DCLRE1C: variants seen among roughly 807,000 people sequenced by gnomAD.
DCLRE1C encodes the protein protein artemis.
A neutral mutation model predicts 61.4 loss-of-function variants in DCLRE1C; 47 were observed. The ratio of observed to expected loss-of-function variants is 0.77; its 90% CI spans 0.61 to 0.98. DCLRE1C has a LOEUF of 0.98. Ranked by LOEUF, DCLRE1C falls within the 50% of genes least tolerant of loss-of-function variation. DCLRE1C has a pLI of 0.00. For missense variants in DCLRE1C, 858 were observed against 816.0 expected (o/e 1.05, Z -0.63); for synonymous variants, 337 against 287.6 (o/e 1.17, Z -1.74).
At chr10:14,923,903 CA>C (rs933974475) in intron 11 of DCLRE1C, among the ~76,000 whole-genome samples, 3 of 152,206 alleles carry the variant, frequency 2.0e-5, no homozygotes, top group Admixed American at 6.5e-5. Flanking sequence ...CAAGCAAGAT[CA>C]AATCCAACAA....
At position 14,934,055 on chromosome 10, in the gene DCLRE1C, C is replaced by T. The variant is rs572936376; in HGVS notation, c.678+325G>A. Among the ~76,000 whole-genome samples the T allele has an allele frequency of 4.6e-5, 7 of 152,130 alleles. No individual in the cohort carries two copies. The South Asian group carries it at 8.3e-4, about 18-fold the overall frequency. The stretch of plus-strand genomic sequence containing the variant: ...GAGAAAAGAATGAACAGACTGGGAA[C>T]ACTGGCTCAGGCCTATAATCCCAGC... On this transcript the variant is annotated intron_variant, in intron 8 of 13. Transcript: ENST00000378278.
At chr10:14,912,806 C>G (rs542190684) in intron 13 of DCLRE1C, among the ~76,000 whole-genome samples, 1 of 152,226 alleles carries the variant, frequency 6.6e-6, no homozygotes, top group Admixed American at 6.5e-5. Context: ...CTCCGCTGCC[C>G]TAATAGCTGG....
Position 14,909,044 on chromosome 10 carries a change from C to G in DCLRE1C, c.1443G>C (p.Lys481Asn). 3 of 1,614,130 alleles carry G rather than the reference C, an allele frequency of 1.9e-6. No individual in the cohort carries two copies. The South Asian group carries it at 3.3e-5, about 18-fold the overall frequency. Residue 481 changes from lysine to asparagine, a missense_variant, in exon 14 of 14, where the codon AAG becomes AAC. This residue lies in a region of DCLRE1C where 843 missense variants were observed against 783.5 expected (regional missense o/e 1.08). Coordinates refer to ENST00000378278, the MANE Select transcript of DCLRE1C (RefSeq NM_001033855.3). ...CCCACTGGGGTACATCCCCATCAGCCTTTTGCAGGTGAAGTACAGAGCCCA... is the reference window on the plus strand; with the variant it reads ...CCCACTGGGGTACATCCCCATCAGCGTTTTGCAGGTGAAGTACAGAGCCCA... ...GDLGSVLHLQ[K>N]ADGDVPQWEV...
At chr10:14,947,192 G>A (rs1305660796) in intron 2 of DCLRE1C, among the ~76,000 whole-genome samples, 1 of 150,126 alleles carries the variant, frequency 6.7e-6, no homozygotes, top group East Asian at 1.9e-4. Context: ...TGCCTGGGCA[G>A]CAGAGTTCGA....
Position 14,934,352 on chromosome 10 carries a change from A to G in DCLRE1C, c.678+28T>C, listed in dbSNP as rs377106603. 9.8e-4 allele frequency: 1,563 copies of G among 1,602,316 alleles called. 4 individuals are homozygous for G. Among genetic ancestry groups the G allele is most frequent in the Non-Finnish European group, 1.3e-3 (1,500 of 1,177,330 alleles). ...CAAAAAAAAAAAAAAAAGAAAAAAGAAAAGAAAAGAATGAACAGTCACCAT... is the reference window on the plus strand; with the variant it reads ...CAAAAAAAAAAAAAAAAGAAAAAAGGAAAGAAAAGAATGAACAGTCACCAT... On this transcript the variant is annotated intron_variant, in intron 8 of 13. Coordinates refer to ENST00000378278, the MANE Select transcript of DCLRE1C (RefSeq NM_001033855.3).
In DCLRE1C at chr10:14,954,064, C is replaced by T; in HGVS notation, c.-54G>A. 2 of 1,608,606 alleles carry T rather than the reference C, an allele frequency of 1.2e-6. No homozygotes were observed. Among genetic ancestry groups the T allele is most frequent in the Non-Finnish European group, 1.7e-6 (2 of 1,178,632 alleles). ...CCAAAACCGCAGCTGAAGCCAAGGC[C>T]AGCCCTGACCGCGCCGCCACTTCCG... On this transcript the variant is annotated 5_prime_UTR_variant, in exon 1 of 14. Transcript: ENST00000378278.
At chr10:14,919,918 A>C (rs41299712) in intron 12 of DCLRE1C, 86 bp from the exon 13 acceptor site, 70 of 1,156,610 alleles carry the variant, frequency 6.1e-5, no homozygotes, top group Admixed American at 9.0e-5. Context: ...AATTTTTTTG[A>C]TTTTGTTTTT....
chr10:14,930,847 A>G (rs1020708527), intron 9 of DCLRE1C, among the ~76,000 whole-genome samples: 4 of 152,252 alleles, frequency 2.6e-5, no homozygotes, highest in African/African-American at 9.6e-5. Flanking sequence ...GTGAAGAAAT[A>G]AATCCCTGAA....
chr10:14,919,609 G>C (rs928625206), intron 13 of DCLRE1C, 129 bp downstream of exon 13: 16 of 756,682 alleles, frequency 2.1e-5, no homozygotes, highest in South Asian at 1.4e-4. Flanking sequence ...CTGAGACCAT[G>C]TGTCAAGTCT....
rs568188979 is a variant in DCLRE1C, at chr10:14,906,755, C to T, written c.*1653G>A. Among the ~76,000 whole-genome samples the T allele has an allele frequency of 6.6e-5, 10 of 152,214 alleles. No homozygotes were observed. In the South Asian group the frequency reaches 1.9e-3, roughly 28 times the overall value. On this transcript the variant is annotated 3_prime_UTR_variant, in exon 14 of 14. Transcript: ENST00000378278. ...CATAATCTATGAAATGTCACAATAA[C>T]TAAGTGTTCCTGAATATCTGTTAAA...
chr10:14,949,102 A>G lies in DCLRE1C; in HGVS notation c.110-15T>C. 1 of 1,584,288 alleles carries G rather than the reference A, an allele frequency of 6.3e-7. No individual in the cohort carries two copies. Among genetic ancestry groups the G allele is most frequent in the South Asian group, 1.1e-5 (1 of 90,204 alleles). ...TTTCATGTGATCTAAAAACAAAAGAACAAAAACTCATGAATATGTTTTTCC... is the reference window on the plus strand; with the variant it reads ...TTTCATGTGATCTAAAAACAAAAGAGCAAAAACTCATGAATATGTTTTTCC... On this transcript the variant is annotated splice_polypyrimidine_tract_variant and intron_variant, in intron 1 of 13. Transcript: ENST00000378278.
chr10:14,933,612 G>A (rs1452858853), intron 8 of DCLRE1C, among the ~76,000 whole-genome samples: 1 of 151,940 alleles, frequency 6.6e-6, no homozygotes, highest in Non-Finnish European at 1.5e-5. Context: ...ACTCCAGCCT[G>A]GACGACAGAG....
chr10:14,927,953 G>T, intron 10 of DCLRE1C, 63 bp downstream of exon 10: 1 of 1,537,080 alleles, frequency 6.5e-7, no homozygotes, highest in South Asian at 1.1e-5. Flanking sequence ...GTGCTTAAAT[G>T]AAATTAAATC....
At chr10:14,945,299 A>C in intron 2 of DCLRE1C, 110 bp from the exon 3 acceptor site, 1 of 1,410,778 alleles carries the variant, frequency 7.1e-7, no homozygotes, top group Non-Finnish European at 9.6e-7. Context: ...GACCAGTCTG[A>C]CCAACATGGT....
chr10:14,927,151 G>A (rs1198962265), intron 10 of DCLRE1C, among the ~76,000 whole-genome samples: 2 of 152,140 alleles, frequency 1.3e-5, no homozygotes, highest in African/African-American at 2.4e-5. Flanking sequence ...GGAGGCCGAC[G>A]CGTACGGATT....
intron 3 of DCLRE1C, among the ~76,000 whole-genome samples, chr10:14,943,698 A>T (rs1002358237): frequency 1.3e-5 from 2 of 152,064 alleles, no homozygotes; most frequent in African/African-American, 4.8e-5. Flanking sequence ...GACTACAGGC[A>T]CCGCCACCAC....
intron 9 of DCLRE1C, among the ~76,000 whole-genome samples, chr10:14,930,734 G>T (rs944200100): frequency 1.3e-5 from 2 of 151,922 alleles, no homozygotes; most frequent in Admixed American, 1.3e-4. Context: ...CACCCGGCCG[G>T]TTTACGTTTT....
rs190260590 is a variant in DCLRE1C at position 14,915,715 on chromosome 10, T to A, written c.1156+4023A>T. 2.0e-5 allele frequency among the ~76,000 whole-genome samples: 3 copies of A among 151,416 alleles called. No individual in the cohort carries two copies. The East Asian group carries it at 5.8e-4, about 29-fold the overall frequency. On this transcript the variant is annotated intron_variant, in intron 13 of 13. Transcript: ENST00000378278. ...TTCACTGGTAAATTCTACCAGTCAT[T>A]TAAGAAAGATATAATGCCAATCCTC...
At chr10:14,923,274 G>A in intron 11 of DCLRE1C, 1 of 557,276 alleles carries the variant, frequency 1.8e-6, no homozygotes, top group Non-Finnish European at 3.2e-6. Context: ...CCTGAACACT[G>A]AGTACTAGTG....
Sources: allele counts gnomAD v4.1 joint callset (sites outside exome capture counted in the v4.1 genomes callset), GRCh38; gene constraint gnomAD v4.1.1; regional missense constraint gnomAD v4.1.1; transcripts MANE v1.5; gene names NCBI Gene and HGNC (gene_info 2026-07-23, HGNC 2026-07-21).